ZNF324B: variants seen among roughly 807,000 people sequenced by gnomAD.
ZNF324B encodes zinc finger protein 324B.
ZNF324B carries 7 observed loss-of-function variants against 10.6 expected under a neutral mutation model. That is an observed-to-expected ratio of 0.66 (90% CI 0.38 to 1.24). The LOEUF is 1.24. ZNF324B is among the 50% of genes most tolerant of loss of function. The probability of loss-of-function intolerance (pLI) is 0.02; values close to 1 mark genes in which losing one functional copy is unlikely to be tolerated. For missense variants in ZNF324B, 640 were observed against 764.7 expected, an observed-to-expected ratio of 0.84 and a Z score of 1.92; for synonymous variants, 316 against 321.0, an observed-to-expected ratio of 0.98 and a Z score of 0.17.
At chr19:58,433,304 C>G in the ZNF324B span, 1 of 1,588,790 alleles carries the variant, frequency 6.3e-7, no homozygotes, top group Non-Finnish European at 8.6e-7. Context: ...TCACAAAGAC[C>G]ACTTCCATAA....
the ZNF324B span, chr19:58,435,017 T>A: frequency 6.2e-7 from 1 of 1,614,178 alleles, no homozygotes; most frequent in South Asian, 1.1e-5. Flanking sequence ...GCTCCACATG[T>A]GTAGGGTTTC....
At chr19:58,428,018 T>G in the ZNF324B span, among the ~76,000 whole-genome samples, 6 of 152,040 alleles carry the variant, frequency 3.9e-5, no homozygotes, top group Non-Finnish European at 8.8e-5. Flanking sequence ...CTGAGTAGGG[T>G]AGGTATCCCC....
At chr19:58,451,423 A>T (rs886439755), upstream of ZNF324B, among the ~76,000 whole-genome samples, 18 of 152,252 alleles carry the variant, frequency 1.2e-4, no homozygotes, top group Non-Finnish European at 2.2e-4. Context: ...AGCCCTTGGA[A>T]ACCCGCGGCA....
upstream of ZNF324B, among the ~76,000 whole-genome samples, chr19:58,448,119 T>G (rs909277005): frequency 2.0e-5 from 3 of 152,200 alleles, no homozygotes; most frequent in Non-Finnish European, 4.4e-5. Context: ...GGTACTGCTA[T>G]AAAGATACCC....
upstream of ZNF324B, among the ~76,000 whole-genome samples, chr19:58,448,214 G>T (rs553806906): frequency 6.6e-6 from 1 of 152,290 alleles, no homozygotes; most frequent in South Asian, 2.1e-4. Flanking sequence ...GGAAAATGTG[G>T]GAATGTTTGG....
chr19:58,434,679 C>T, the ZNF324B span: 1 of 1,614,208 alleles, frequency 6.2e-7, no homozygotes, highest in South Asian at 1.1e-5. Context: ...AGTGAGTTCT[C>T]AGATGGTTGG....
chr19:58,456,491 C>T lies in ZNF324B; in HGVS notation c.1547C>T (p.Thr516Ile), dbSNP rs151040335. ...ACCAATGCCGCAGCACCAGACTGCA[C>T]CCCGGGGCCAGGTTTCCTTCAGGGA... Reference protein sequence around the residue: ...EKTNAAAPDCTPGPGFLQGHH... With the variant: ...EKTNAAAPDCIPGPGFLQGHH... The change falls in exon 4 of 4, where the codon ACC becomes ATC. Residue 516 changes from threonine (T) to isoleucine (I), a missense_variant. Transcript: ENST00000336614. This position sits in a 1 kb window ranked among gnomAD's most constrained non-coding sequence, Gnocchi z 4.7. 352 of 1,614,206 alleles carry T rather than the reference C, an allele frequency of 2.2e-4. No individual in the cohort carries two copies. The African/African-American group carries it at 3.9e-3, about 18-fold the overall frequency.
At chr19:58,443,281 C>G in the ZNF324B span, 2 of 152,370 alleles carry the variant, frequency 1.3e-5, no homozygotes, top group Admixed American at 6.5e-5. Flanking sequence ...CGTTTACAAA[C>G]CTTTAGCTAG....
chr19:58,456,586 A>G lies in ZNF324B; in HGVS notation c.*7A>G, dbSNP rs192112354. ...GAAGCCAGCGAAGGTCTGAGGTCAC[A>G]GGTCGCAGCCCAACCCTTTCTTGGC... On this transcript the variant is annotated 3_prime_UTR_variant, in exon 4 of 4. Coordinates refer to ENST00000336614, the MANE Select transcript of ZNF324B (RefSeq NM_207395.3). This position sits in a 1 kb window ranked among gnomAD's most constrained non-coding sequence, Gnocchi z 4.7. 2 of 1,611,128 alleles carry G rather than the reference A, an allele frequency of 1.2e-6. No homozygotes were observed. Among genetic ancestry groups the G allele is most frequent in the East Asian group, 4.5e-5 (2 of 44,844 alleles).
At chr19:58,439,828 A>G in the ZNF324B span, 10 of 1,542,084 alleles carry the variant, frequency 6.5e-6, no homozygotes, top group African/African-American at 1.2e-4. Context: ...CCATAACAGG[A>G]GGCCCAGGGC....
rs1404297913 is a variant in ZNF324B at position 58,457,327 on chromosome 19, A to G, written c.*748A>G. ...TTCTCAGCATTGGAAGGACAAACCTAGGATGATGGCTTTCCAGTGGCACTC... is the reference window on the plus strand; with the variant it reads ...TTCTCAGCATTGGAAGGACAAACCTGGGATGATGGCTTTCCAGTGGCACTC... On this transcript the variant is annotated 3_prime_UTR_variant, in exon 4 of 4. Transcript: ENST00000336614. The G allele has an allele frequency of 6.6e-6, 1 of 152,602 alleles. No individual in the cohort carries two copies. Among genetic ancestry groups the G allele is most frequent in the Non-Finnish European group, 1.5e-5 (1 of 68,094 alleles). 9.5% of individuals were successfully genotyped at this position (152,602 alleles called of 1,614,324 possible). A position where few individuals can be genotyped will look rare whatever the true frequency, so the allele number is the denominator to read the frequency against.
the ZNF324B span, chr19:58,430,391 G>A: frequency 6.6e-6 from 1 of 152,224 alleles, no homozygotes; most frequent in East Asian, 1.9e-4. Context: ...ACTAGGTTTT[G>A]AGTAATTTGT....
rs780532408 is a variant in ZNF324B at position 58,454,305 on chromosome 19, A to G, written c.199A>G (p.Met67Val). The G allele has an allele frequency of 2.0e-5, 32 of 1,614,026 alleles. No homozygotes were observed. The East Asian group carries it at 6.2e-4, about 31-fold the overall frequency. Residue 67 changes from methionine (M) to valine (V), a missense_variant, in exon 3 of 4, where the codon ATG (methionine) becomes GTG (valine). Physicochemically the swap from Met to Val is conservative, Grantham distance 21. Around this residue, in one of 3 missense-constraint regions of ZNF324B, gnomAD observed 345 missense variants for 387.9 expected, o/e 0.89. Transcript: ENST00000336614. Reference protein sequence around the residue: ...EEPWVPSGKDMTLARNTYGRL... With the variant: ...EEPWVPSGKDVTLARNTYGRL... ...GCCCTGGGTTCCCAGTGGAAAGGAC[A>G]TGACCCTGGCCAGGAACACCTACGG...
chr19:58,451,500 T>G, upstream of ZNF324B: 1 of 414,878 alleles, frequency 2.4e-6, no homozygotes, highest in South Asian at 1.7e-5. Flanking sequence ...AGACTGGTAA[T>G]GGCCCCGCCT....
the ZNF324B span, among the ~76,000 whole-genome samples, chr19:58,423,914 T>C: frequency 5.9e-5 from 9 of 152,120 alleles, no homozygotes; most frequent in East Asian, 1.2e-3. Flanking sequence ...AAATAAAGAC[T>C]TAAACATATG....
chr19:58,453,539 C>T (rs1317384769), intron 1 of ZNF324B, among the ~76,000 whole-genome samples, 157 bp from the exon 2 acceptor site: 1 of 151,978 alleles, frequency 6.6e-6, no homozygotes, highest in African/African-American at 2.4e-5. Context: ...GGGGAGGGGT[C>T]CCAGACAGGT....
At chr19:58,445,379 A>G in the ZNF324B span, 1 of 516,664 alleles carries the variant, frequency 1.9e-6, no homozygotes, top group Admixed American at 2.0e-5. Context: ...TCACACTGGA[A>G]AAACCCTCTA....
chr19:58,452,750 GA>G (rs887462699), intron 1 of ZNF324B: 4 of 684,998 alleles, frequency 5.8e-6, no homozygotes, highest in Non-Finnish European at 7.2e-6. Flanking sequence ...AGAAGGCGAT[GA>G]GCAGTCAGGC....
At chr19:58,437,155 C>T in the ZNF324B span, 2 of 1,614,062 alleles carry the variant, frequency 1.2e-6, no homozygotes, top group Non-Finnish European at 1.7e-6. Flanking sequence ...ACAGCCACAT[C>T]TTCAAAGGTT....
Sources: gnomAD v4.1 joint callset for allele counts (sites outside exome capture counted in the v4.1 genomes callset) on GRCh38, gnomAD v4.1.1 for gene constraint, gnomAD v4.1.1 regional missense constraint, Gnocchi (gnomAD v3.1) non-coding constraint, MANE v1.5 for transcripts, NCBI Gene and HGNC (gene_info 2026-07-23, HGNC 2026-07-21) for gene names.